AGMO: variants seen among roughly 807,000 people sequenced by gnomAD.
AGMO encodes alkylglycerol monooxygenase, also known as glyceryl-ether monooxygenase.
A neutral mutation model predicts 60.2 loss-of-function variants in AGMO; 75 were observed. That is an observed-to-expected ratio of 1.25 (90% confidence interval 1.03 to 1.51). AGMO has a LOEUF of 1.51. Ranked by LOEUF, AGMO falls within the 40% of genes most tolerant of loss-of-function variation. The pLI, the probability that AGMO is intolerant of heterozygous loss-of-function variation, is 0.00. For synonymous variants in AGMO, 261 were observed against 177.1 expected (o/e 1.47, Z -3.76); for missense variants, 763 against 525.5 (o/e 1.45, Z -4.42).
intron 3 of AGMO, among the ~76,000 whole-genome samples, chr7:15,478,291 C>A (rs563910900): frequency 6.6e-6 from 1 of 152,092 alleles, no homozygotes; most frequent in Non-Finnish European, 1.5e-5. Flanking sequence ...AATTACTTAA[C>A]CTCATCAACC....
chr7:15,273,805 T>G (rs1234166587), intron 12 of AGMO, among the ~76,000 whole-genome samples: 1 of 152,178 alleles, frequency 6.6e-6, no homozygotes, highest in African/African-American at 2.4e-5. Flanking sequence ...TGTTGAGCAG[T>G]GGTTTGTAGT....
chr7:15,191,797 T>C, the AGMO span, among the ~76,000 whole-genome samples: 5 of 152,142 alleles, frequency 3.3e-5, no homozygotes, highest in Admixed American at 2.0e-4. Flanking sequence ...TGAAAGTGCT[T>C]AACTCCACTT....
At chr7:15,316,190 G>A (rs930350653) in intron 12 of AGMO, among the ~76,000 whole-genome samples, 1 of 152,118 alleles carries the variant, frequency 6.6e-6, no homozygotes, top group African/African-American at 2.4e-5. Context: ...ACACAGTAAT[G>A]GAGAGGACAG....
intron 9 of AGMO, among the ~76,000 whole-genome samples, chr7:15,386,100 G>C (rs1291066225): frequency 6.6e-6 from 1 of 151,928 alleles, no homozygotes; most frequent in African/African-American, 2.4e-5. Flanking sequence ...AGAACTGCTT[G>C]AACCTGGTAG....
At chr7:15,405,304 G>C (rs991886573) in intron 5 of AGMO, among the ~76,000 whole-genome samples, 2 of 151,786 alleles carry the variant, frequency 1.3e-5, no homozygotes, top group African/African-American at 4.8e-5. Flanking sequence ...GGTGATCTAA[G>C]TTTTATACAC....
chr7:15,397,134 A>G (rs1784422123), intron 5 of AGMO, among the ~76,000 whole-genome samples: 1 of 152,140 alleles, frequency 6.6e-6, no homozygotes, highest in Non-Finnish European at 1.5e-5. Context: ...GCACTCCCGC[A>G]GCCCAGAGGG....
At chr7:15,294,676 A>G (rs866385253) in intron 12 of AGMO, among the ~76,000 whole-genome samples, 3 of 151,954 alleles carry the variant, frequency 2.0e-5, no homozygotes, top group East Asian at 3.9e-4. Flanking sequence ...AAGTGTTTAC[A>G]TATTTATTTG....
At chr7:15,267,241 C>T (rs892964409) in intron 12 of AGMO, among the ~76,000 whole-genome samples, 4 of 149,016 alleles carry the variant, frequency 2.7e-5, no homozygotes, top group African/African-American at 7.4e-5. Flanking sequence ...CCAGTGATTT[C>T]TCTTTGTTTC....
chr7:15,166,564 C>G, the AGMO span, among the ~76,000 whole-genome samples: 1 of 152,076 alleles, frequency 6.6e-6, no homozygotes, highest in East Asian at 1.9e-4. Flanking sequence ...CAGGATCCAT[C>G]TTACGTTTTA....
At chr7:15,229,854 G>C (rs935264964) in intron 12 of AGMO, among the ~76,000 whole-genome samples, 1 of 150,546 alleles carries the variant, frequency 6.6e-6, no homozygotes. Flanking sequence ...TGATACTGTA[G>C]AATTCAAAAT....
At chr7:15,404,527 C>T (rs1261007670) in intron 5 of AGMO, among the ~76,000 whole-genome samples, 1 of 151,888 alleles carries the variant, frequency 6.6e-6, no homozygotes, top group Non-Finnish European at 1.5e-5. Flanking sequence ...TTAACCATCT[C>T]AAACTTCATC....
intron 10 of AGMO, among the ~76,000 whole-genome samples, chr7:15,379,303 A>T (rs899637984): frequency 6.6e-5 from 10 of 152,088 alleles, no homozygotes; most frequent in South Asian, 4.1e-4. Context: ...ATGAAAAACC[A>T]TTGGAAAGAT....
chr7:15,399,660 A>G (rs1475298536), intron 5 of AGMO, among the ~76,000 whole-genome samples: 1 of 152,210 alleles, frequency 6.6e-6, no homozygotes, highest in African/African-American at 2.4e-5. Context: ...TGGAATGATC[A>G]CAAACTCCTC....
chr7:15,263,674 G>T (rs781074208), intron 12 of AGMO, among the ~76,000 whole-genome samples: 1 of 152,058 alleles, frequency 6.6e-6, no homozygotes, highest in Non-Finnish European at 1.5e-5. Flanking sequence ...CAGCACAAAT[G>T]CTCATCAACC....
At chr7:15,187,651 A>C in the AGMO span, among the ~76,000 whole-genome samples, 1 of 151,966 alleles carries the variant, frequency 6.6e-6, no homozygotes, top group Non-Finnish European at 1.5e-5. Context: ...TAATATGTGT[A>C]TGTGTGAGTG....
At chr7:15,461,306 A>C (rs1296803439) in intron 3 of AGMO, among the ~76,000 whole-genome samples, 1 of 151,926 alleles carries the variant, frequency 6.6e-6, no homozygotes, top group East Asian at 1.9e-4. Context: ...ATATGTAAAA[A>C]AAACTTTATA....
At chr7:15,188,250 A>G in the AGMO span, among the ~76,000 whole-genome samples, 1 of 152,142 alleles carries the variant, frequency 6.6e-6, no homozygotes, top group Non-Finnish European at 1.5e-5. Context: ...CACTAGTTGT[A>G]TGATTTTGAG....
At chr7:15,166,413 G>C in the AGMO span, among the ~76,000 whole-genome samples, 1 of 152,130 alleles carries the variant, frequency 6.6e-6, no homozygotes, top group Non-Finnish European at 1.5e-5. Context: ...AGACCAGAGT[G>C]GGGAGGGAGA....
rs114072278 is a variant in AGMO at position 15,201,887 on chromosome 7, T to A, written c.1264-528A>T. ...ATTTTATCAGGTGTAAAAATGTAAC[T>A]GCAAATTTCTTTCACACTGAAGACT... On this transcript the variant is annotated intron_variant, in intron 12 of 12. Transcript: ENST00000342526. 7.1e-3 allele frequency among the ~76,000 whole-genome samples: 1,078 copies of A among 152,280 alleles called. 13 individuals are homozygous for A. The highest frequency in any genetic ancestry group is 0.025 in the African/African-American group (1,029 of 41,566).
Sources: gnomAD v4.1 joint callset for allele counts (sites outside exome capture counted in the v4.1 genomes callset) on GRCh38, gnomAD v4.1.1 for gene constraint, MANE v1.5 for transcripts, NCBI Gene and HGNC (gene_info 2026-07-23, HGNC 2026-07-21) for gene names.